CPB2: variants seen among roughly 807,000 people sequenced by gnomAD.
The protein encoded by CPB2 is carboxypeptidase B2, also known as carboxypeptidase B-like protein.
A neutral mutation model predicts 57.0 loss-of-function variants in CPB2; 54 were observed. That is an observed-to-expected ratio of 0.95 (90% CI 0.76 to 1.19). The LOEUF is 1.19. Among genes scored for constraint, CPB2 ranks in the 50% most tolerant of loss-of-function variants. The pLI, the probability that CPB2 is intolerant of heterozygous loss-of-function variation, is 0.00. For synonymous variants in CPB2, 189 were observed against 178.1 expected (o/e 1.06, Z -0.49); for missense variants, 426 against 512.0 (o/e 0.83, Z 1.62).
chr13:46,094,698 G>T (rs2045341774), intron 1 of CPB2, among the ~76,000 whole-genome samples: 1 of 152,184 alleles, frequency 6.6e-6, no homozygotes. Flanking sequence ...TGTGGAGTCG[G>T]TTAGGAGAAC....
At chr13:46,078,934 A>G (rs1424504409) in intron 4 of CPB2, 33 bp from the exon 5 acceptor site, 1 of 1,377,632 alleles carries the variant, frequency 7.3e-7, no homozygotes, top group African/African-American at 1.4e-5. Flanking sequence ...TTAGTCACGA[A>G]GCCAAGTTCA....
At chr13:46,077,629 G>A (rs1051388821) in intron 5 of CPB2, among the ~76,000 whole-genome samples, 1 of 152,114 alleles carries the variant, frequency 6.6e-6, no homozygotes. Context: ...GCACTCCCAT[G>A]TTTATTACAG....
intron 1 of CPB2, chr13:46,099,978 T>A (rs2045413516): frequency 6.6e-6 from 1 of 151,828 alleles, no homozygotes; most frequent in Non-Finnish European, 1.5e-5. Context: ...TGAGCCAAAA[T>A]CACACCACTG....
At position 46,081,207 on chromosome 13, in the gene CPB2, C is replaced by T. The variant is rs1169868598; in HGVS notation, c.384+1234G>A. On this transcript the variant is annotated intron_variant, in intron 4 of 10. Transcript: ENST00000181383. The stretch of plus-strand genomic sequence containing the variant: ...TAGAGCCATGTGCTTATTTTTTCCT[C>T]CTGTGTCATTCCAACTCTTTCCTGA... Among the ~76,000 whole-genome samples the T allele has an allele frequency of 2.0e-5, 3 of 152,096 alleles. No homozygotes were observed. In the East Asian group the frequency reaches 5.8e-4, roughly 29 times the overall value.
chr13:46,081,604 G>A (rs1356463943), intron 4 of CPB2, among the ~76,000 whole-genome samples: 1 of 152,140 alleles, frequency 6.6e-6, no homozygotes, highest in Non-Finnish European at 1.5e-5. Flanking sequence ...ACATAAAATT[G>A]ATTCTCATTA....
At chr13:46,089,739 T>C (rs748832307) in intron 1 of CPB2, among the ~76,000 whole-genome samples, 3 of 152,122 alleles carry the variant, frequency 2.0e-5, no homozygotes, top group Non-Finnish European at 4.4e-5. Context: ...CCTTCCACCA[T>C]GTGAATATAT....
intron 2 of CPB2, among the ~76,000 whole-genome samples, chr13:46,087,483 C>A (rs1428228129): frequency 6.6e-6 from 1 of 152,164 alleles, no homozygotes; most frequent in Non-Finnish European, 1.5e-5. Flanking sequence ...ATTTTAATTT[C>A]TGTTACTGTA....
intron 1 of CPB2, among the ~76,000 whole-genome samples, chr13:46,094,559 G>C (rs927540214): frequency 3.3e-5 from 5 of 152,162 alleles, no homozygotes; most frequent in Admixed American, 6.5e-5. Context: ...GATACCAATG[G>C]AGATGTTAAG....
intron 9 of CPB2, among the ~76,000 whole-genome samples, chr13:46,056,613 C>T (rs946544558): frequency 6.6e-6 from 1 of 152,138 alleles, no homozygotes; most frequent in African/African-American, 2.4e-5. Context: ...TAATGAAATA[C>T]AAATTTATCT....
chr13:46,062,544 C>T (rs1223159181), intron 8 of CPB2, among the ~76,000 whole-genome samples: 4 of 152,190 alleles, frequency 2.6e-5, no homozygotes, highest in Admixed American at 6.5e-5. Flanking sequence ...TCTGGGAACA[C>T]GAGTGGTTTT....
intron 4 of CPB2, among the ~76,000 whole-genome samples, 181 bp downstream of exon 4, chr13:46,082,260 A>G (rs868752010): frequency 2.4e-4 from 36 of 152,226 alleles, no homozygotes; most frequent in African/African-American, 6.8e-4. Context: ...AATATGATGC[A>G]GTCTTCTCAG....
chr13:46,089,075 C>T (rs2045252804), intron 1 of CPB2, among the ~76,000 whole-genome samples: 1 of 150,716 alleles, frequency 6.6e-6, no homozygotes, highest in South Asian at 2.1e-4. Flanking sequence ...TATACTTCTT[C>T]TGTCCTTCTT....
At position 46,058,211 on chromosome 13, in the gene CPB2, T is replaced by G. The variant is rs1734167644; in HGVS notation, c.967A>C (p.Thr323Pro). ...SQHIVFPYSY[T>P]RSKSKDHEEL... ...TCATGGTCTTTGCTTTTACTTCGTG[T>G]ATAGGAATATGGAAACACTATATGC... The change falls in exon 9 of 11, where the codon ACA (threonine) becomes CCA (proline). Residue 323 changes from threonine to proline, a missense_variant. Physicochemically the swap from Thr to Pro is conservative, Grantham distance 38. Coordinates refer to ENST00000181383, the MANE Select transcript of CPB2 (RefSeq NM_001872.5). 2 of 1,613,902 alleles carry G rather than the reference T, an allele frequency of 1.2e-6. No homozygotes were observed. Among genetic ancestry groups the G allele is most frequent in the South Asian group, 2.2e-5 (2 of 91,082 alleles).
At chr13:46,083,028 A>G (rs2045144781) in intron 3 of CPB2, among the ~76,000 whole-genome samples, 1 of 152,050 alleles carries the variant, frequency 6.6e-6, no homozygotes, top group Non-Finnish European at 1.5e-5. Flanking sequence ...AAGAAATAGA[A>G]CAGGAAAAGG....
Position 46,082,556 on chromosome 13 carries a change from G to A in CPB2, c.276-7C>T, listed in dbSNP as rs1379769257. 1.3e-6 allele frequency: 2 copies of A among 1,582,016 alleles called. No homozygotes were observed. The highest frequency in any genetic ancestry group is 3.3e-5 in the Admixed American group (2 of 59,906). On this transcript the variant is annotated splice_region_variant and splice_polypyrimidine_tract_variant and intron_variant, in intron 3 of 10. Transcript: ENST00000181383. ...CACATCTGCCAGCAAGACACTAGGT[G>A]ATGAAACAGAGAGTGAGCTAGTTTC...
chr13:46,053,715 T>G lies in CPB2; in HGVS notation c.1171A>C (p.Thr391Pro), dbSNP rs1036684537. 3.7e-6 allele frequency: 6 copies of G among 1,614,070 alleles called. No individual in the cohort carries two copies. Among genetic ancestry groups the G allele is most frequent in the Non-Finnish European group, 5.1e-6 (6 of 1,180,038 alleles). Residue 391 changes from threonine to proline, a missense_variant, in exon 11 of 11, where the codon ACA (threonine) becomes CCA (proline). Physicochemically the swap from Thr to Pro is conservative, Grantham distance 38. Transcript: ENST00000181383. The part of the protein sequence containing the change: ...SFTIELRDTG[T>P]YGFLLPERYI... ...CGCTCCGGCAGCAAGAATCCGTATGTGCCCGTATCTCGAAGTTCAATTGTA... is the reference window on the plus strand; with the variant it reads ...CGCTCCGGCAGCAAGAATCCGTATGGGCCCGTATCTCGAAGTTCAATTGTA...
chr13:46,088,263 C>T (rs565454633), intron 1 of CPB2, among the ~76,000 whole-genome samples: 1 of 152,342 alleles, frequency 6.6e-6, no homozygotes, highest in Non-Finnish European at 1.5e-5. Context: ...CCCCTTGCCA[C>T]ATCACCAGAG....
chr13:46,059,143 C>A (rs2044736847), intron 8 of CPB2, among the ~76,000 whole-genome samples: 1 of 152,262 alleles, frequency 6.6e-6, no homozygotes, highest in Non-Finnish European at 1.5e-5. Context: ...CTCAGTCTAG[C>A]TGCTCTCTTG....
intron 6 of CPB2, among the ~76,000 whole-genome samples, chr13:46,071,106 A>T (rs182246465): frequency 3.7e-4 from 57 of 152,310 alleles, no homozygotes; most frequent in African/African-American, 1.3e-3. Flanking sequence ...CAGAAAAAGG[A>T]TGGTTAATTC....
Sources: allele counts gnomAD v4.1 joint callset (sites outside exome capture counted in the v4.1 genomes callset), GRCh38; gene constraint gnomAD v4.1.1; transcripts MANE v1.5; gene names NCBI Gene and HGNC (gene_info 2026-07-23, HGNC 2026-07-21).